The following RFC3 variants were observed in gnomAD, a reference collection of about 807,000 sequenced individuals.
RFC3 encodes replication factor C subunit 3.
A neutral mutation model predicts 45.1 loss-of-function variants in RFC3; 41 were observed. The ratio of observed to expected loss-of-function variants is 0.91; its 90% CI spans 0.71 to 1.18. RFC3 has a LOEUF of 1.18. Among genes scored for constraint, RFC3 ranks in the 50% most tolerant of loss-of-function variants. RFC3 has a pLI of 0.00. For missense variants in RFC3, 423 were observed against 428.1 expected, an observed-to-expected ratio of 0.99 and a Z score of 0.10; for synonymous variants, 149 against 144.0, an observed-to-expected ratio of 1.03 and a Z score of -0.25.
chr13:33,872,130 C>T (rs1205375438), intron 8 of RFC3, among the ~76,000 whole-genome samples: 1 of 152,098 alleles, frequency 6.6e-6, no homozygotes, highest in East Asian at 1.9e-4. Flanking sequence ...CTTCATGTCC[C>T]TGGCTGTGAC....
In RFC3 at chr13:33,836,530, A is replaced by G. The variant is rs778913967; in HGVS notation, c.*235A>G. 9 of 1,212,646 alleles carry G rather than the reference A, an allele frequency of 7.4e-6. No homozygotes were observed. The highest frequency in any genetic ancestry group is 9.3e-6 in the Non-Finnish European group (9 of 969,332). The allele number at this position is 1,212,646 out of a possible 1,614,324, so 75.1% of individuals were successfully genotyped here. The stretch of plus-strand genomic sequence containing the variant: ...CTTTAGAGTCTAAGAAAATGATCTT[A>G]ATTTACTTTAAGCATTGGTTATTCA... On this transcript the variant is annotated 3_prime_UTR_variant, in exon 9 of 9. Coordinates refer to ENST00000380071, the MANE Select transcript of RFC3 (RefSeq NM_002915.4).
intron 8 of RFC3, among the ~76,000 whole-genome samples, chr13:33,858,323 C>T (rs894513657): frequency 6.6e-6 from 1 of 152,024 alleles, no homozygotes; most frequent in African/African-American, 2.4e-5. Flanking sequence ...GGTACCACAC[C>T]GCATTTGGTA....
chr13:33,856,415 T>A (rs897024180), intron 8 of RFC3, among the ~76,000 whole-genome samples: 3 of 152,196 alleles, frequency 2.0e-5, no homozygotes, highest in Non-Finnish European at 4.4e-5. Context: ...GATGAGATAA[T>A]CTGTACAACA....
At chr13:33,822,221 T>A (rs1231488205) in intron 2 of RFC3, among the ~76,000 whole-genome samples, 2 of 152,194 alleles carry the variant, frequency 1.3e-5, no homozygotes, top group Admixed American at 6.5e-5. Flanking sequence ...TGTGGATGTG[T>A]CAGAAGAAAC....
intron 8 of RFC3, among the ~76,000 whole-genome samples, chr13:33,964,250 C>G (rs1324387098): frequency 6.6e-6 from 1 of 152,056 alleles, no homozygotes; most frequent in African/African-American, 2.4e-5. Flanking sequence ...CTAGAGAGCT[C>G]ATGAAAAATA....
chr13:33,976,110 C>T, the RFC3 span, among the ~76,000 whole-genome samples: 1 of 152,144 alleles, frequency 6.6e-6, no homozygotes, highest in East Asian at 1.9e-4. Context: ...TACCAAAGAA[C>T]GTAGGAAGTA....
intron 8 of RFC3, among the ~76,000 whole-genome samples, chr13:33,913,684 A>T (rs2082716325): frequency 6.6e-6 from 1 of 152,144 alleles, no homozygotes. Flanking sequence ...GATTAAGTGA[A>T]ATATCGTATA....
In RFC3 at chr13:33,837,412, A is replaced by G. The variant is rs1566387693; in HGVS notation, c.*1117A>G. Reference sequence around the variant, plus strand: ...AATGTTTATTGTTCAATATTTTTGTATATACTTTTAAAGCCTATTCACTTG... The same window carrying G: ...AATGTTTATTGTTCAATATTTTTGTGTATACTTTTAAAGCCTATTCACTTG... On this transcript the variant is annotated 3_prime_UTR_variant, in exon 9 of 9. Coordinates refer to ENST00000380071, the MANE Select transcript of RFC3 (RefSeq NM_002915.4). The G allele has an allele frequency of 6.6e-6, 1 of 152,056 alleles. No individual in the cohort carries two copies. Among genetic ancestry groups the G allele is most frequent in the Non-Finnish European group, 1.5e-5 (1 of 67,998 alleles). The allele number at this position is 152,056 out of a possible 1,614,324, so 9.4% of individuals were successfully genotyped here.
At chr13:33,861,596 G>C (rs937034208) in intron 8 of RFC3, among the ~76,000 whole-genome samples, 1 of 148,322 alleles carries the variant, frequency 6.7e-6, no homozygotes, top group South Asian at 2.1e-4. Flanking sequence ...AGGGAGCCGA[G>C]ATCATGCCAC....
In RFC3 at chr13:33,923,071, C is replaced by T. The variant is rs565617702; in HGVS notation, c.880-43016C>T. 2.9e-4 allele frequency among the ~76,000 whole-genome samples: 44 copies of T among 152,098 alleles called. No individual in the cohort carries two copies. In the South Asian group the frequency reaches 7.5e-3, roughly 26 times the overall value. Reference sequence around the variant, plus strand: ...GAAAAGTAGAGAAAGAGGTTGCTTTCGTCTTAAGTAGGGAATCAAAAAAGC... The same window carrying T: ...GAAAAGTAGAGAAAGAGGTTGCTTTTGTCTTAAGTAGGGAATCAAAAAAGC... On this transcript the variant is annotated intron_variant, in intron 8 of 8. Transcript: ENST00000434425.
In RFC3 at chr13:33,919,195, C is replaced by T. The variant is rs114121482; in HGVS notation, c.880-46892C>T. Among the ~76,000 whole-genome samples the T allele has an allele frequency of 4.2e-3, 634 of 152,094 alleles. 6 individuals are homozygous for T. Among genetic ancestry groups the T allele is most frequent in the African/African-American group, 0.015 (614 of 41,508 alleles). ...AGAAATGCTGCAGTACATTCATGGG[C>T]GCAGTCAAAGCAGTGTTTTCAATTA... On this transcript the variant is annotated intron_variant, in intron 8 of 8. Coordinates refer to the RFC3 transcript ENST00000434425.
At chr13:33,878,432 G>T (rs1475140960) in intron 8 of RFC3, among the ~76,000 whole-genome samples, 2 of 152,118 alleles carry the variant, frequency 1.3e-5, no homozygotes, top group African/African-American at 4.8e-5. Context: ...GGGATGGTGA[G>T]GATTTGATGA....
the RFC3 span, among the ~76,000 whole-genome samples, chr13:33,973,142 G>C: frequency 6.6e-6 from 1 of 151,196 alleles, no homozygotes; most frequent in African/African-American, 2.4e-5. Context: ...ATTGCAGACT[G>C]TGTGTGTGTG....
chr13:33,892,739 CA>C (rs1316697533), intron 8 of RFC3, among the ~76,000 whole-genome samples: 2 of 151,966 alleles, frequency 1.3e-5, no homozygotes, highest in Non-Finnish European at 2.9e-5. Context: ...AGACAAAAAC[CA>C]AAAACAAATA....
At chr13:33,976,667 T>C in the RFC3 span, among the ~76,000 whole-genome samples, 1 of 152,142 alleles carries the variant, frequency 6.6e-6, no homozygotes, top group South Asian at 2.1e-4. Context: ...AAATATCACA[T>C]GTACCCCCAA....
intron 8 of RFC3, among the ~76,000 whole-genome samples, chr13:33,865,843 C>T (rs1015276912): frequency 6.6e-5 from 10 of 152,104 alleles, no homozygotes; most frequent in Non-Finnish European, 1.0e-4. Context: ...CACCTGAGGT[C>T]GGGAGTTCCA....
intron 8 of RFC3, among the ~76,000 whole-genome samples, chr13:33,928,835 G>T (rs535116390): frequency 8.8e-5 from 11 of 124,692 alleles, no homozygotes; most frequent in Non-Finnish European, 6.3e-5. Context: ...ACCAATGTCT[G>T]GGGGGGGAAG....
chr13:33,860,719 C>T (rs1443391114), intron 8 of RFC3, among the ~76,000 whole-genome samples: 1 of 152,122 alleles, frequency 6.6e-6, no homozygotes, highest in African/African-American at 2.4e-5. Context: ...AGCATGAGTC[C>T]CTGTCATGAT....
intron 8 of RFC3, among the ~76,000 whole-genome samples, chr13:33,889,436 A>G: frequency 6.6e-6 from 1 of 152,334 alleles, no homozygotes; most frequent in Non-Finnish European, 1.5e-5. Context: ...TATAGTTGAC[A>G]CATAATAATT....
Sources: allele counts gnomAD v4.1 joint callset (sites outside exome capture counted in the v4.1 genomes callset), GRCh38; gene constraint gnomAD v4.1.1; transcripts MANE v1.5; gene names NCBI Gene and HGNC (gene_info 2026-07-23, HGNC 2026-07-21).